GRIA3: variants seen among roughly 807,000 people sequenced by gnomAD.
The protein encoded by GRIA3 is glutamate receptor 3.
GRIA3 carries 3 observed loss-of-function variants against 63.0 expected under a neutral mutation model. That is an observed-to-expected ratio of 0.05 (90% CI 0.02 to 0.12). The LOEUF is 0.12. Among genes scored for constraint, GRIA3 ranks in the 10% least tolerant of loss-of-function variants. GRIA3 has a pLI of 1.00. For synonymous variants in GRIA3, 274 were observed against 257.9 expected, an observed-to-expected ratio of 1.06 and a Z score of -0.60; for missense variants, 347 against 700.9, an observed-to-expected ratio of 0.50 and a Z score of 5.70.
At position 123,378,140 on chromosome X, in the gene GRIA3, A is replaced by G. The variant is rs139687498; in HGVS notation, c.751-16828A>G. On this transcript the variant is annotated intron_variant, in intron 5 of 15. Transcript: ENST00000620443. Reference sequence around the variant, plus strand: ...GGGAAAAATCAGGCCTCTGTGTTCAATCTTGTGGACTACAGTTTCTTACAA... The same window carrying G: ...GGGAAAAATCAGGCCTCTGTGTTCAGTCTTGTGGACTACAGTTTCTTACAA... 5.0e-4 allele frequency among the ~76,000 whole-genome samples: 56 copies of G among 111,354 alleles called. 1 individual carries two copies. In the East Asian group the frequency reaches 0.015, roughly 30 times the overall value.
At chrX:123,287,071 C>T (rs1463198378) in intron 3 of GRIA3, among the ~76,000 whole-genome samples, 1 of 111,974 alleles carries the variant, frequency 8.9e-6, no homozygotes, top group African/African-American at 3.3e-5. Context: ...CCACCACGAT[C>T]AAGTTGGCTT....
At position 123,374,054 on chromosome X, in the gene GRIA3, A is replaced by G. The variant is rs943935916; in HGVS notation, c.750+19091A>G. 6.4e-4 allele frequency among the ~76,000 whole-genome samples: 72 copies of G among 111,956 alleles called. No individual in the cohort carries two copies. The Admixed American group carries it at 6.8e-3, about 11-fold the overall frequency. ...TGTATAGGGTGTAAGGAAGGGATCC[A>G]GTTTCAGCTTTCTACATATGGCTAG... is the stretch of plus-strand genomic sequence containing the variant. On this transcript the variant is annotated intron_variant, in intron 5 of 15. Coordinates refer to ENST00000620443, the MANE Select transcript of GRIA3 (RefSeq NM_007325.5).
chrX:123,243,881 T>G (rs1236333477), intron 2 of GRIA3, among the ~76,000 whole-genome samples: 1 of 111,722 alleles, frequency 9.0e-6, no homozygotes, highest in Non-Finnish European at 1.9e-5. Context: ...TATCTCGATA[T>G]AAAAGGGCCT....
intron 5 of GRIA3, among the ~76,000 whole-genome samples, chrX:123,356,026 G>T (rs2045131301): frequency 9.0e-6 from 1 of 111,330 alleles, no homozygotes; most frequent in African/African-American, 3.3e-5. Flanking sequence ...AGTCCATTTT[G>T]GGAATAAATG....
intron 10 of GRIA3, among the ~76,000 whole-genome samples, chrX:123,407,316 G>A (rs746218477): frequency 1.8e-5 from 2 of 111,450 alleles, no homozygotes; most frequent in Admixed American, 9.5e-5. Context: ...AGCCTAGAGA[G>A]GTGAAGTCAC....
rs2045918702 is a variant in GRIA3, at chrX:123,482,846, T to C, written c.2487T>C (p.Tyr829=). 1 of 1,210,228 alleles carries C rather than the reference T, an allele frequency of 8.3e-7. No individual in the cohort carries two copies. Among genetic ancestry groups the C allele is most frequent in the South Asian group, 1.8e-5 (1 of 56,958 alleles). The change falls in exon 15 of 16, where the codon TAT becomes TAC. Residue 829 remains tyrosine (Y), a synonymous_variant. Transcript: ENST00000620443. ...LSLSNVAGVF[Y]ILVGGLGLAM... ...TGAGCAATGTGGCAGGCGTTTTCTA[T>C]ATACTTGTCGGAGGTCTGGGGCTGG...
At chrX:123,184,926 A>G in intron 1 of GRIA3, 1 of 449,099 alleles carries the variant, frequency 2.2e-6, no homozygotes, top group Non-Finnish European at 4.1e-6. Flanking sequence ...ACCGGAGGCG[A>G]GCAGGAGGCT....
chrX:123,377,955 T>C (rs1021621952), intron 5 of GRIA3, among the ~76,000 whole-genome samples: 10 of 112,220 alleles, frequency 8.9e-5, no homozygotes, highest in Non-Finnish European at 1.1e-4. Flanking sequence ...TAAAAAGAAG[T>C]TCCAGAAATC....
intron 12 of GRIA3, among the ~76,000 whole-genome samples, chrX:123,463,680 GA>G (rs1322105652): frequency 2.0e-5 from 1 of 51,085 alleles, no homozygotes; most frequent in East Asian, 5.7e-4. Flanking sequence ...AAGAAAGAAA[GA>G]AAGAGAGAGA....
At position 123,428,151 on chromosome X, in the gene GRIA3, G is replaced by T. The variant is rs913359322; in HGVS notation, c.2076+12G>T. On this transcript the variant is annotated intron_variant, in intron 12 of 15. Transcript: ENST00000620443. Reference sequence around the variant, plus strand: ...AAGAATTTTTCAGAGTAAGTGCTCTGCAGTTAATTGAGCCTGCTGATATTT... The same window carrying T: ...AAGAATTTTTCAGAGTAAGTGCTCTTCAGTTAATTGAGCCTGCTGATATTT... 9.2e-7 allele frequency: 1 copy of T among 1,082,958 alleles called. No individual in the cohort carries two copies. The highest frequency in any genetic ancestry group is 3.0e-5 in the East Asian group (1 of 33,322). 89.2% of individuals were successfully genotyped at this position (1,082,958 alleles called of 1,213,427 possible). A position where few individuals can be genotyped will look rare whatever the true frequency, so the allele number is the denominator to read the frequency against.
chrX:123,461,589 T>G (rs1316474730), intron 12 of GRIA3, among the ~76,000 whole-genome samples: 1 of 111,936 alleles, frequency 8.9e-6, no homozygotes, highest in African/African-American at 3.3e-5. Context: ...TCATAAGCAC[T>G]CTTGAATATC....
intron 12 of GRIA3, among the ~76,000 whole-genome samples, chrX:123,449,369 T>C (rs1027058056): frequency 8.9e-6 from 1 of 112,546 alleles, no homozygotes; most frequent in African/African-American, 3.2e-5. Context: ...ATTTTGCATA[T>C]GGAGACCATT....
intron 5 of GRIA3, among the ~76,000 whole-genome samples, chrX:123,367,111 G>A (rs1603115900): frequency 1.8e-5 from 2 of 111,157 alleles, no homozygotes; most frequent in African/African-American, 6.5e-5. Context: ...TTGGGTAGAC[G>A]AGAAATGCCA....
chrX:123,431,885 T>G (rs1268896547), intron 12 of GRIA3, among the ~76,000 whole-genome samples: 2 of 112,270 alleles, frequency 1.8e-5, no homozygotes, highest in East Asian at 2.8e-4. Context: ...TGGAATCATA[T>G]AACATAGTAT....
chrX:123,338,137 T>A (rs1276617654), intron 4 of GRIA3, among the ~76,000 whole-genome samples: 1 of 111,616 alleles, frequency 9.0e-6, no homozygotes, highest in Admixed American at 9.5e-5. Context: ...ATTAACCCCA[T>A]CAATAAAAGG....
At chrX:123,359,406 G>A (rs1012559687) in intron 5 of GRIA3, among the ~76,000 whole-genome samples, 7 of 111,366 alleles carry the variant, frequency 6.3e-5, no homozygotes, top group African/African-American at 1.6e-4. Context: ...CACCACTGTC[G>A]CTTCTAGATC....
Position 123,309,723 on chromosome X carries a change from T to C in GRIA3, c.509-16303T>C, listed in dbSNP as rs377695250. Among the ~76,000 whole-genome samples the C allele has an allele frequency of 4.7e-4, 53 of 111,970 alleles. 1 individual carries two copies. The South Asian group carries it at 0.014, about 30-fold the overall frequency. ...AAGATGCCTTTAAAAGTAGGACAGC[T>C]TGGGGATCCAGAAGGGCCCCACACC... is the stretch of plus-strand genomic sequence containing the variant. On this transcript the variant is annotated intron_variant, in intron 3 of 15. Coordinates refer to ENST00000620443, the MANE Select transcript of GRIA3 (RefSeq NM_007325.5).
At chrX:123,325,350 G>C (rs756263615) in intron 3 of GRIA3, among the ~76,000 whole-genome samples, 1 of 111,474 alleles carries the variant, frequency 9.0e-6, no homozygotes, top group Non-Finnish European at 1.9e-5. Flanking sequence ...CCAGGGTAAT[G>C]GTAGCTAACA....
intron 2 of GRIA3, among the ~76,000 whole-genome samples, chrX:123,206,166 C>T (rs138529662): frequency 2.4e-3 from 264 of 111,919 alleles, no homozygotes; most frequent in African/African-American, 8.2e-3. Flanking sequence ...CCTTGTTCCA[C>T]CTGTAATTTC....
Sources: gnomAD v4.1 joint callset for allele counts (sites outside exome capture counted in the v4.1 genomes callset) on GRCh38, gnomAD v4.1.1 for gene constraint, MANE v1.5 for transcripts, NCBI Gene and HGNC (gene_info 2026-07-23, HGNC 2026-07-21) for gene names.